PAN3: variants seen among roughly 807,000 people sequenced by gnomAD.
PAN3 encodes PAN2-PAN3 deadenylation complex subunit PAN3.
A neutral mutation model predicts 96.2 loss-of-function variants in PAN3; 19 were observed. The observed-to-expected ratio is 0.20, with a 90% CI of 0.14 to 0.29. The LOEUF (loss-of-function observed/expected upper bound fraction) is 0.29. PAN3 is among the 10% of genes least tolerant of loss of function. The probability of loss-of-function intolerance (pLI) is 1.00; values close to 1 mark genes in which losing one functional copy is unlikely to be tolerated. For synonymous variants in PAN3, 433 were observed against 406.6 expected (o/e 1.06, Z -0.78); for missense variants, 882 against 1,108.1 (o/e 0.80, Z 2.90).
intron 1 of PAN3, among the ~76,000 whole-genome samples, chr13:28,171,563 A>C (rs1245674549): frequency 6.6e-6 from 1 of 152,204 alleles, no homozygotes; most frequent in Non-Finnish European, 1.5e-5. Flanking sequence ...ATAATTTGCC[A>C]TGATGGCTCA....
intron 1 of PAN3, among the ~76,000 whole-genome samples, chr13:28,162,754 G>A (rs1435018783): frequency 4.6e-5 from 7 of 151,126 alleles, no homozygotes; most frequent in Admixed American, 4.0e-4. Context: ...CAAGGAGGGA[G>A]GATTGCTTGA....
intron 1 of PAN3, among the ~76,000 whole-genome samples, chr13:28,172,892 A>G (rs1414209453): frequency 6.6e-6 from 1 of 152,210 alleles, no homozygotes. Context: ...TCGTCTCTAC[A>G]AAAACAAAAG....
chr13:28,286,678 CT>C (rs1263608730), intron 17 of PAN3, among the ~76,000 whole-genome samples: 1 of 152,148 alleles, frequency 6.6e-6, no homozygotes, highest in Non-Finnish European at 1.5e-5. Flanking sequence ...ACTATTGTTG[CT>C]TTTTCTGATC....
rs1272390084 is a variant in PAN3, at chr13:28,292,460, T to A, written c.2602T>A (p.Leu868Ile). 1 of 1,612,848 alleles carries A rather than the reference T, an allele frequency of 6.2e-7. No individual in the cohort carries two copies. Among genetic ancestry groups the A allele is most frequent in the Non-Finnish European group, 8.5e-7 (1 of 1,179,624 alleles). The change falls in exon 19 of 19, where the codon TTA becomes ATA. Residue 868 changes from leucine (L) to isoleucine (I), a missense_variant. By Grantham distance (5) the Leu-to-Ile change is conservative. This residue lies in a region of PAN3 where 76 missense variants were observed against 171.7 expected (regional missense o/e 0.44). Coordinates refer to ENST00000380958, the MANE Select transcript of PAN3 (RefSeq NM_175854.8). ...TGTACTTGTGGTGACCTACAGTGAC[T>A]TAAAGCGCTGCTTTGAAAATACTTT... ...KSVLVVTYSD[L>I]KRCFENTFQE...
intron 1 of PAN3, among the ~76,000 whole-genome samples, chr13:28,165,033 G>T (rs527294089): frequency 2.0e-5 from 3 of 152,008 alleles, no homozygotes; most frequent in African/African-American, 7.2e-5. Context: ...TCAGCCTCCC[G>T]AGTAGCTGGG....
intron 4 of PAN3, among the ~76,000 whole-genome samples, chr13:28,185,694 A>G (rs1593430861): frequency 6.6e-6 from 1 of 152,068 alleles, no homozygotes; most frequent in Non-Finnish European, 1.5e-5. Context: ...TGCCTTTTAT[A>G]TACAGTTTGT....
At chr13:28,145,647 AT>A (rs1281048768) in intron 1 of PAN3, among the ~76,000 whole-genome samples, 3 of 149,986 alleles carry the variant, frequency 2.0e-5, no homozygotes, top group Non-Finnish European at 4.4e-5. Context: ...TTAACTTTTA[AT>A]TTTTTTTTAA....
intron 4 of PAN3, among the ~76,000 whole-genome samples, chr13:28,181,418 G>C (rs774906035): frequency 2.0e-5 from 3 of 151,370 alleles, no homozygotes; most frequent in Non-Finnish European, 2.9e-5. Flanking sequence ...GATGAGAGGT[G>C]GGAGGATGAC....
At chr13:28,270,574 C>G in intron 12 of PAN3, 127 bp from the exon 13 acceptor site, 2 of 948,222 alleles carry the variant, frequency 2.1e-6, no homozygotes. Flanking sequence ...TACATACACA[C>G]ACATATATAA....
intron 1 of PAN3, among the ~76,000 whole-genome samples, chr13:28,153,327 C>G (rs1168755001): frequency 6.7e-6 from 1 of 149,358 alleles, no homozygotes; most frequent in Non-Finnish European, 1.5e-5. Flanking sequence ...CCTCAGCATC[C>G]TGGGTTCAAG....
At chr13:28,207,811 T>A (rs1011815064) in intron 5 of PAN3, among the ~76,000 whole-genome samples, 1 of 152,234 alleles carries the variant, frequency 6.6e-6, no homozygotes. Context: ...TACATGGATG[T>A]TCTGAGTTCT....
chr13:28,203,782 C>T (rs950457286), intron 5 of PAN3, among the ~76,000 whole-genome samples: 3 of 151,436 alleles, frequency 2.0e-5, no homozygotes, highest in African/African-American at 7.3e-5. Flanking sequence ...AGTGAGAAAG[C>T]GTCTCTGCTT....
At chr13:28,145,426 G>T (rs1319094377) in intron 1 of PAN3, among the ~76,000 whole-genome samples, 1 of 152,014 alleles carries the variant, frequency 6.6e-6, no homozygotes, top group Non-Finnish European at 1.5e-5. Context: ...CTGGGTTCAA[G>T]CAATTCTCAT....
chr13:28,147,767 A>T (rs554821465), intron 1 of PAN3, among the ~76,000 whole-genome samples: 6 of 152,292 alleles, frequency 3.9e-5, no homozygotes, highest in African/African-American at 1.2e-4. Flanking sequence ...CATCATAGTC[A>T]GTTGGGAATT....
At chr13:28,241,139 T>C (rs73446962) in intron 6 of PAN3, among the ~76,000 whole-genome samples, 5,523 of 152,072 alleles carry the variant, frequency 0.036, 309 homozygotes, top group African/African-American at 0.13. Flanking sequence ...CATGTGCTGG[T>C]GATCCAAGCT....
intron 6 of PAN3, among the ~76,000 whole-genome samples, chr13:28,226,820 T>C (rs1593513786): frequency 6.6e-6 from 1 of 152,380 alleles, no homozygotes; most frequent in East Asian, 1.9e-4. Context: ...AAAGTATTTG[T>C]ATTTTTAAAT....
intron 4 of PAN3, among the ~76,000 whole-genome samples, chr13:28,187,537 T>G (rs1876646045): frequency 6.6e-6 from 1 of 152,162 alleles, no homozygotes; most frequent in African/African-American, 2.4e-5. Context: ...TAAAATCCCT[T>G]TGTAACACTG....
intron 6 of PAN3, among the ~76,000 whole-genome samples, chr13:28,242,853 T>C (rs376236352): frequency 3.3e-5 from 5 of 152,374 alleles, no homozygotes; most frequent in African/African-American, 1.2e-4. Context: ...CACAAAGTTT[T>C]GTAATTATTC....
intron 5 of PAN3, chr13:28,215,471 G>A (rs900410007): frequency 1.7e-5 from 12 of 689,188 alleles, no homozygotes; most frequent in African/African-American, 5.3e-5. Context: ...AAAGATGTTC[G>A]TTGGGGGAGT....
Sources: gnomAD v4.1 joint callset for allele counts (sites outside exome capture counted in the v4.1 genomes callset) on GRCh38, gnomAD v4.1.1 for gene constraint, gnomAD v4.1.1 regional missense constraint, MANE v1.5 for transcripts, NCBI Gene and HGNC (gene_info 2026-07-23, HGNC 2026-07-21) for gene names.